The following DOP1B variants were observed in gnomAD, a reference collection of about 807,000 sequenced individuals.
The protein encoded by DOP1B is protein DOP1B.
DOP1B carries 174 observed loss-of-function variants against 233.5 expected under a neutral mutation model. The observed-to-expected ratio is 0.75, with a 90% CI of 0.66 to 0.85. The LOEUF (loss-of-function observed/expected upper bound fraction) is 0.85, where lower values mean the gene tolerates loss of function less well. Ranked by LOEUF, DOP1B falls within the 40% of genes least tolerant of loss-of-function variation. The pLI is 0.00. For synonymous variants in DOP1B, 1,190 were observed against 1,185.6 expected (o/e 1.00, Z -0.08); for missense variants, 2,652 against 2,846.6 (o/e 0.93, Z 1.56).
chr21:36,238,962 G>C (rs865782115), intron 17 of DOP1B, among the ~76,000 whole-genome samples: 2 of 152,128 alleles, frequency 1.3e-5, no homozygotes, highest in Admixed American at 6.5e-5. Flanking sequence ...AATTAGCTGG[G>C]CGTGGTGGTG....
At chr21:36,289,585 G>C (rs184049713) in intron 35 of DOP1B, among the ~76,000 whole-genome samples, 2 of 152,070 alleles carry the variant, frequency 1.3e-5, no homozygotes, top group East Asian at 3.9e-4. Flanking sequence ...CCTTTATTTG[G>C]AGCCTGCCAT....
At chr21:36,216,610 C>CA (rs1015709951) in intron 9 of DOP1B, among the ~76,000 whole-genome samples, 7 of 151,766 alleles carry the variant, frequency 4.6e-5, no homozygotes, top group Non-Finnish European at 1.0e-4. Flanking sequence ...GACTCCGTCT[C>CA]AAAAAAAAGA....
chr21:36,212,638 C>T (rs2066513365), intron 7 of DOP1B, among the ~76,000 whole-genome samples: 2 of 152,120 alleles, frequency 1.3e-5, no homozygotes. Context: ...TGGAAGGCCT[C>T]CCAGGGACAG....
chr21:36,199,345 C>T (rs2066331471), intron 3 of DOP1B, 94 bp downstream of exon 3: 5 of 1,470,850 alleles, frequency 3.4e-6, no homozygotes, highest in Non-Finnish European at 3.7e-6. Flanking sequence ...GCAAAATAAG[C>T]GTAGGGCTGT....
At chr21:36,203,644 T>G (rs1176556530) in intron 4 of DOP1B, among the ~76,000 whole-genome samples, 2 of 150,840 alleles carry the variant, frequency 1.3e-5, no homozygotes, top group Non-Finnish European at 3.0e-5. Flanking sequence ...GAGGGTGCAG[T>G]GGGGGGGGTC....
intron 2 of DOP1B, chr21:36,169,323 T>A: frequency 2.6e-6 from 2 of 777,822 alleles, no homozygotes; most frequent in Non-Finnish European, 4.6e-6. Flanking sequence ...CCCTGGTCAA[T>A]CTTACAGATC....
At chr21:36,269,930 T>G in intron 26 of DOP1B, 83 bp from the exon 27 acceptor site, 1 of 1,429,296 alleles carries the variant, frequency 7.0e-7, no homozygotes, top group Non-Finnish European at 9.7e-7. Context: ...TGCATTTTAT[T>G]TCTACTGGAC....
At chr21:36,168,957 C>A (rs2065942987) in intron 2 of DOP1B, 4 of 684,926 alleles carry the variant, frequency 5.8e-6, no homozygotes, top group Admixed American at 2.0e-5. Flanking sequence ...AGGTGCAAAA[C>A]CTGTTCCTGG....
Position 36,277,008 on chromosome 21 carries a change from T to C in DOP1B, c.5633-13T>C. ...ATCATAGTTAACATACAAATGGCTC[T>C]TTCTGTTCACAGATGCTGCTGCAGC... is the stretch of plus-strand genomic sequence containing the variant. On this transcript the variant is annotated splice_polypyrimidine_tract_variant and intron_variant, in intron 27 of 36. Transcript: ENST00000691173. The C allele has an allele frequency of 6.2e-7, 1 of 1,614,000 alleles. No individual in the cohort carries two copies. Among genetic ancestry groups the C allele is most frequent in the Non-Finnish European group, 8.5e-7 (1 of 1,179,946 alleles).
At chr21:36,171,178 T>C (rs907889264) in intron 2 of DOP1B, among the ~76,000 whole-genome samples, 3 of 152,190 alleles carry the variant, frequency 2.0e-5, no homozygotes, top group Admixed American at 6.5e-5. Context: ...CCCATGCTCA[T>C]GAGCAGAGCC....
At chr21:36,213,314 A>C (rs2123499801) in intron 7 of DOP1B, among the ~76,000 whole-genome samples, 1 of 152,248 alleles carries the variant, frequency 6.6e-6, no homozygotes, top group East Asian at 1.9e-4. Context: ...GCCTGACCAC[A>C]GTGCCAGCTC....
chr21:36,258,933 A>G lies in DOP1B; in HGVS notation c.5260-1744A>G, dbSNP rs191550473. ...TTGGGGATCTGGCCCAGGTCTCCCAATCTTCCAAGAACGTATGGTCATCCT... is the reference window on the plus strand; with the variant it reads ...TTGGGGATCTGGCCCAGGTCTCCCAGTCTTCCAAGAACGTATGGTCATCCT... On this transcript the variant is annotated intron_variant, in intron 23 of 36. Transcript: ENST00000691173. Among the ~76,000 whole-genome samples the G allele has an allele frequency of 2.7e-3, 411 of 150,302 alleles. 1 individual carries two copies. Among genetic ancestry groups the G allele is most frequent in the African/African-American group, 9.4e-3 (384 of 40,874 alleles).
intron 2 of DOP1B, among the ~76,000 whole-genome samples, chr21:36,184,020 C>G (rs572940147): frequency 6.6e-6 from 1 of 151,846 alleles, no homozygotes; most frequent in Admixed American, 6.6e-5. Flanking sequence ...CGTGCCACCA[C>G]GCCTGGTTAA....
chr21:36,214,065 G>C lies in DOP1B; in HGVS notation c.905-16G>C. The C allele has an allele frequency of 6.3e-7, 1 of 1,590,524 alleles. No homozygotes were observed. The highest frequency in any genetic ancestry group is 2.2e-5 in the East Asian group (1 of 44,758). On this transcript the variant is annotated splice_polypyrimidine_tract_variant and intron_variant, in intron 7 of 36. Coordinates refer to ENST00000691173, the MANE Select transcript of DOP1B (RefSeq NM_001320714.2). Reference sequence around the variant, plus strand: ...AGCACAGCTCTCTTTACAGCTCGGCGCTTGTTCTTTTGTAGGCTCAGACAT... The same window carrying C: ...AGCACAGCTCTCTTTACAGCTCGGCCCTTGTTCTTTTGTAGGCTCAGACAT...
At chr21:36,195,105 C>A (rs1461970738) in intron 2 of DOP1B, among the ~76,000 whole-genome samples, 1 of 152,090 alleles carries the variant, frequency 6.6e-6, no homozygotes, top group African/African-American at 2.4e-5. Context: ...CTTTGGGAGG[C>A]CAAGGCAGGT....
chr21:36,194,487 CTTTT>C (rs369495001), intron 2 of DOP1B, among the ~76,000 whole-genome samples: 2 of 81,302 alleles, frequency 2.5e-5, no homozygotes, highest in Admixed American at 1.2e-4. Flanking sequence ...CTCTCTCTCT[CTTTT>C]TTTTTTTTTT....
chr21:36,278,935 G>A (rs550688961), intron 30 of DOP1B, among the ~76,000 whole-genome samples: 144 of 152,158 alleles, frequency 9.5e-4, no homozygotes, highest in Middle Eastern at 3.4e-3. Context: ...GCTTTGTCTT[G>A]TAATCACAAA....
chr21:36,256,488 A>G (rs2067099066), intron 23 of DOP1B, among the ~76,000 whole-genome samples: 1 of 152,238 alleles, frequency 6.6e-6, no homozygotes, highest in African/African-American at 2.4e-5. Context: ...TAAAAAATAT[A>G]GCTATACTTG....
At chr21:36,248,297 A>G in intron 20 of DOP1B, 83 bp from the exon 21 acceptor site, 1 of 1,461,908 alleles carries the variant, frequency 6.8e-7, no homozygotes, top group Non-Finnish European at 9.3e-7. Context: ...CCCAGACCTA[A>G]TCCCGCTAGC....
Sources: allele counts gnomAD v4.1 joint callset (sites outside exome capture counted in the v4.1 genomes callset), GRCh38; gene constraint gnomAD v4.1.1; transcripts MANE v1.5; gene names NCBI Gene and HGNC (gene_info 2026-07-23, HGNC 2026-07-21).